The following CCDC150 variants were observed in gnomAD, a reference collection of about 807,000 sequenced individuals.
CCDC150 encodes coiled-coil domain containing 150, also known as coiled-coil domain-containing protein 150.
CCDC150 carries 151 observed loss-of-function variants against 156.5 expected under a neutral mutation model. The observed-to-expected ratio is 0.97, with a 90% CI of 0.85 to 1.10. CCDC150 has a LOEUF of 1.10. Ranked by LOEUF, CCDC150 falls within the 50% of genes least tolerant of loss-of-function variation. The probability of loss-of-function intolerance (pLI) is 0.00; values close to 1 mark genes in which losing one functional copy is unlikely to be tolerated. For synonymous variants in CCDC150, 452 were observed against 429.4 expected, an observed-to-expected ratio of 1.05 and a Z score of -0.65; for missense variants, 1,312 against 1,268.1, an observed-to-expected ratio of 1.03 and a Z score of -0.53.
chr2:196,663,288 A>G (rs1381850179), intron 5 of CCDC150, among the ~76,000 whole-genome samples: 1 of 152,186 alleles, frequency 6.6e-6, no homozygotes, highest in African/African-American at 2.4e-5. Context: ...CCAAAAAACA[A>G]TGGACAAAAG....
rs374550976 is a variant in CCDC150 at position 196,674,340 on chromosome 2, A to G, written c.1129A>G (p.Ile377Val). The G allele has an allele frequency of 1.9e-6, 3 of 1,595,630 alleles. No homozygotes were observed. Among genetic ancestry groups the G allele is most frequent in the Admixed American group, 1.7e-5 (1 of 57,964 alleles). The change falls in exon 10 of 28, where the codon ATT (isoleucine) becomes GTT (valine). Residue 377 changes from isoleucine to valine, a missense_variant. Ile to Val is a conservative substitution (Grantham distance 29). Coordinates refer to ENST00000389175, the MANE Select transcript of CCDC150 (RefSeq NM_001080539.2). ...CAGAATCATTGCTGACCATCAGGCCATTCTGCAGGTATTCGTTTAACATGA... is the reference window on the plus strand; with the variant it reads ...CAGAATCATTGCTGACCATCAGGCCGTTCTGCAGGTATTCGTTTAACATGA... ...KARIIADHQA[I>V]LQVEQKMMTQ...
chr2:196,713,214 T>C, intron 17 of CCDC150: 1 of 1,227,514 alleles, frequency 8.1e-7, no homozygotes, highest in East Asian at 2.7e-5. Context: ...CTCTTCACTC[T>C]GAAAGCAGAG....
intron 15 of CCDC150, among the ~76,000 whole-genome samples, chr2:196,701,648 A>G (rs940040301): frequency 2.0e-5 from 3 of 152,312 alleles, no homozygotes; most frequent in South Asian, 2.1e-4. Flanking sequence ...ACTAACTCCA[A>G]TGGAAACACT....
intron 1 of CCDC150, among the ~76,000 whole-genome samples, chr2:196,645,126 A>G (rs972153652): frequency 1.8e-4 from 28 of 152,186 alleles, no homozygotes; most frequent in African/African-American, 6.5e-4. Flanking sequence ...TCTGCCTCGA[A>G]AAAGAAAAAA....
chr2:196,730,635 A>C (rs1184663039), intron 25 of CCDC150, among the ~76,000 whole-genome samples: 2 of 152,276 alleles, frequency 1.3e-5, no homozygotes, highest in African/African-American at 4.8e-5. Context: ...AACAGACTCC[A>C]TAAATAAAAA....
At chr2:196,645,398 G>A (rs1692478376) in intron 1 of CCDC150, among the ~76,000 whole-genome samples, 1 of 152,206 alleles carries the variant, frequency 6.6e-6, no homozygotes, top group African/African-American at 2.4e-5. Flanking sequence ...GACATAGGAA[G>A]TGGGTACAAA....
At chr2:196,732,389 C>T (rs923767456) in intron 27 of CCDC150, 57 bp from the exon 28 acceptor site, 2 of 1,306,772 alleles carry the variant, frequency 1.5e-6, no homozygotes, top group African/African-American at 1.5e-5. Context: ...AAAACAGGTG[C>T]AGATTGCTGC....
intron 17 of CCDC150, among the ~76,000 whole-genome samples, chr2:196,717,180 C>T (rs1175463405): frequency 2.0e-5 from 3 of 152,198 alleles, no homozygotes; most frequent in South Asian, 2.1e-4. Context: ...TGAGCCACCA[C>T]GCCCAGCCTA....
chr2:196,702,267 GA>G, intron 15 of CCDC150, among the ~76,000 whole-genome samples: 1 of 151,532 alleles, frequency 6.6e-6, no homozygotes, highest in Admixed American at 6.6e-5. Flanking sequence ...AATGAAGGGG[GA>G]AAATTCCCAT....
At chr2:196,679,395 C>T (rs1465951889) in intron 13 of CCDC150, among the ~76,000 whole-genome samples, 1 of 152,150 alleles carries the variant, frequency 6.6e-6, no homozygotes, top group Non-Finnish European at 1.5e-5. Flanking sequence ...TCCAGAGTGT[C>T]ATATAAATAG....
At chr2:196,691,129 C>T (rs1695440315) in intron 13 of CCDC150, among the ~76,000 whole-genome samples, 1 of 152,168 alleles carries the variant, frequency 6.6e-6, no homozygotes. Context: ...AGGATTTTTG[C>T]ATCAATGTTC....
At chr2:196,726,292 A>G (rs1698204691) in intron 22 of CCDC150, 193 bp downstream of exon 22, 3 of 516,686 alleles carry the variant, frequency 5.8e-6, no homozygotes, top group Non-Finnish European at 1.0e-5. Context: ...CTGCCCGACA[A>G]AGGTGTGCCT....
Position 196,729,638 on chromosome 2 carries a change from C to T in CCDC150, c.2752-155C>T, listed in dbSNP as rs1698418340. The T allele has an allele frequency of 4.4e-6, 3 of 682,700 alleles. No homozygotes were observed. The East Asian group carries it at 8.1e-5, about 18-fold the overall frequency. 42.3% of individuals were successfully genotyped at this position (682,700 alleles called of 1,614,324 possible). A position where few individuals can be genotyped will look rare whatever the true frequency, so the allele number is the denominator to read the frequency against. ...CGTGTTGATTGTACTGGACTTTGCT[C>T]TTTTGGGATCAGTGGGCTAGATGGG... On this transcript the variant is annotated intron_variant, in intron 23 of 27. Transcript: ENST00000389175.
At chr2:196,729,125 G>T in intron 22 of CCDC150, 68 bp from the exon 23 acceptor site, 1 of 1,351,472 alleles carries the variant, frequency 7.4e-7, no homozygotes, top group African/African-American at 1.5e-5. Flanking sequence ...AAAATATAAG[G>T]ACAAAACTAA....
intron 13 of CCDC150, among the ~76,000 whole-genome samples, chr2:196,692,498 G>C (rs908990781): frequency 6.6e-6 from 1 of 152,220 alleles, no homozygotes; most frequent in South Asian, 2.1e-4. Flanking sequence ...TGCCTTAGCA[G>C]TGTCCCAGAG....
At chr2:196,703,993 C>T (rs1223730941) in intron 15 of CCDC150, among the ~76,000 whole-genome samples, 2 of 152,184 alleles carry the variant, frequency 1.3e-5, no homozygotes, top group Non-Finnish European at 2.9e-5. Flanking sequence ...ATTCCAAAAG[C>T]ACTGACTTCA....
At chr2:196,674,095 C>T in intron 9 of CCDC150, 146 bp from the exon 10 acceptor site, 1 of 509,452 alleles carries the variant, frequency 2.0e-6, no homozygotes, top group Non-Finnish European at 3.4e-6. Flanking sequence ...ATTTTTTAAA[C>T]TAATGACATG....
At position 196,712,748 on chromosome 2, in the gene CCDC150, A is replaced by T; in HGVS notation, c.1866+9A>T. ...ATGCTCACCTGAAAGAAGTATTGGTAATGAAAGTGCTTACTTGTCAGCATG... is the reference window on the plus strand; with the variant it reads ...ATGCTCACCTGAAAGAAGTATTGGTTATGAAAGTGCTTACTTGTCAGCATG... On this transcript the variant is annotated intron_variant, in intron 17 of 27. Transcript: ENST00000389175. The T allele has an allele frequency of 1.9e-6, 3 of 1,603,704 alleles. No individual in the cohort carries two copies. Among genetic ancestry groups the T allele is most frequent in the Non-Finnish European group, 1.7e-6 (2 of 1,173,314 alleles).
intron 7 of CCDC150, among the ~76,000 whole-genome samples, chr2:196,668,098 A>C (rs1271670450): frequency 6.6e-6 from 1 of 152,150 alleles, no homozygotes; most frequent in Non-Finnish European, 1.5e-5. Context: ...GGAGATTGAG[A>C]CCATCCTGGC....
Sources: gnomAD v4.1 joint callset for allele counts (sites outside exome capture counted in the v4.1 genomes callset) on GRCh38, gnomAD v4.1.1 for gene constraint, MANE v1.5 for transcripts, NCBI Gene and HGNC (gene_info 2026-07-23, HGNC 2026-07-21) for gene names.